Variants in RTL4 observed in about 807,000 individuals in gnomAD.
RTL4 encodes the protein retrotransposon Gag like 4, also known as retrotransposon Gag-like protein 4.
Under a neutral mutation model 5.3 loss-of-function variants are expected in RTL4, and 4 were observed. The observed-to-expected ratio is 0.75, with a 90% CI of 0.37 to 1.72. RTL4 has a LOEUF of 1.72. Among genes scored for constraint, RTL4 ranks in the 40% most tolerant of loss-of-function variants. The probability of loss-of-function intolerance (pLI) is 0.04; values close to 1 mark genes in which losing one functional copy is unlikely to be tolerated. For synonymous variants in RTL4, 98 were observed against 87.3 expected, an observed-to-expected ratio of 1.12 and a Z score of -0.68; for missense variants, 260 against 227.1, an observed-to-expected ratio of 1.14 and a Z score of -0.93.
the RTL4 span, among the ~76,000 whole-genome samples, chrX:112,221,338 T>G: frequency 8.9e-6 from 1 of 111,797 alleles, no homozygotes; most frequent in African/African-American, 3.3e-5. Flanking sequence ...ACCTGGGGAT[T>G]ACAATTCAAG....
chrX:112,248,928 G>A, the RTL4 span, among the ~76,000 whole-genome samples: 1 of 112,272 alleles, frequency 8.9e-6, no homozygotes, highest in Non-Finnish European at 1.9e-5. Context: ...ACTAGAAAAC[G>A]AGATAAAAGT....
the RTL4 span, among the ~76,000 whole-genome samples, chrX:112,170,382 G>A: frequency 5.3e-5 from 6 of 112,192 alleles, no homozygotes; most frequent in Non-Finnish European, 7.5e-5. Context: ...CTATCCATGA[G>A]TATGGAAGAT....
the RTL4 span, among the ~76,000 whole-genome samples, chrX:112,089,262 T>C: frequency 2.7e-5 from 3 of 111,171 alleles, no homozygotes; most frequent in Admixed American, 1.9e-4. Context: ...CCCTCCCCCC[T>C]GGAATCTGTT....
chrX:112,215,539 C>T, the RTL4 span, among the ~76,000 whole-genome samples: 144 of 112,081 alleles, frequency 1.3e-3, no homozygotes, highest in African/African-American at 4.4e-3. Context: ...TAAGTGGAGT[C>T]ACACAATATA....
chrX:112,452,857 C>T (rs1196238236), upstream of RTL4, among the ~76,000 whole-genome samples: 2 of 110,392 alleles, frequency 1.8e-5, no homozygotes, highest in Admixed American at 9.6e-5. Context: ...CATGGTGAAA[C>T]TGTGTCTCTA....
At chrX:112,350,651 C>T in the RTL4 span, among the ~76,000 whole-genome samples, 746 of 111,428 alleles carry the variant, frequency 6.7e-3, 4 homozygotes, top group African/African-American at 0.023. Context: ...AGTTTATTTG[C>T]GTAGAGGTGT....
the RTL4 span, among the ~76,000 whole-genome samples, chrX:112,300,602 C>T: frequency 8.9e-6 from 1 of 112,468 alleles, no homozygotes; most frequent in Non-Finnish European, 1.9e-5. Context: ...AACAAAGGTT[C>T]TCTACATGGT....
chrX:112,397,245 T>C, the RTL4 span, among the ~76,000 whole-genome samples: 1 of 112,218 alleles, frequency 8.9e-6, no homozygotes, highest in Non-Finnish European at 1.9e-5. Flanking sequence ...ATATATCCTA[T>C]ATACATTTTC....
chrX:112,106,732 G>T, the RTL4 span, among the ~76,000 whole-genome samples: 1 of 111,202 alleles, frequency 9.0e-6, no homozygotes, highest in Non-Finnish European at 1.9e-5. Flanking sequence ...ATTATGTCTC[G>T]TGATTTTTAT....
At chrX:112,267,267 C>A in the RTL4 span, among the ~76,000 whole-genome samples, 1 of 112,331 alleles carries the variant, frequency 8.9e-6, no homozygotes, top group Non-Finnish European at 1.9e-5. Flanking sequence ...CAAAACTGTT[C>A]TTTGTAGAAG....
the RTL4 span, among the ~76,000 whole-genome samples, chrX:112,119,401 A>G: frequency 9.0e-6 from 1 of 110,648 alleles, no homozygotes; most frequent in African/African-American, 3.3e-5. Flanking sequence ...GTATGCTTCA[A>G]CGTAGAGGTG....
the RTL4 span, among the ~76,000 whole-genome samples, chrX:112,161,367 A>C: frequency 9.0e-6 from 1 of 111,514 alleles, no homozygotes; most frequent in African/African-American, 3.3e-5. Context: ...CCCTATTCTC[A>C]AATCAAAAAT....
the RTL4 span, among the ~76,000 whole-genome samples, chrX:112,243,760 T>G: frequency 1.1e-4 from 12 of 111,420 alleles, no homozygotes; most frequent in African/African-American, 3.6e-4. Flanking sequence ...GTTTGCTCTT[T>G]CTTCTCTGGT....
chrX:112,222,315 T>A, the RTL4 span, among the ~76,000 whole-genome samples: 7 of 111,505 alleles, frequency 6.3e-5, no homozygotes, highest in Admixed American at 5.7e-4. Context: ...GGATATACAT[T>A]CTAAAGTCTG....
the RTL4 span, among the ~76,000 whole-genome samples, chrX:112,296,673 A>C: frequency 9.6e-6 from 1 of 104,417 alleles, no homozygotes; most frequent in African/African-American, 3.5e-5. Flanking sequence ...GCAGTGGCAC[A>C]ATCTCGGCTC....
the RTL4 span, among the ~76,000 whole-genome samples, chrX:112,374,620 G>A: frequency 5.4e-5 from 6 of 111,908 alleles, no homozygotes; most frequent in South Asian, 1.1e-3. Context: ...CCATGAACAC[G>A]TAATGTCCCT....
chrX:112,364,215 C>T, the RTL4 span, among the ~76,000 whole-genome samples: 1 of 111,155 alleles, frequency 9.0e-6, no homozygotes, highest in African/African-American at 3.3e-5. Flanking sequence ...CTGTGGATTC[C>T]CTAGCCCAAG....
chrX:112,242,055 ATC>A, the RTL4 span, among the ~76,000 whole-genome samples: 1 of 111,347 alleles, frequency 9.0e-6, no homozygotes, highest in Non-Finnish European at 1.9e-5. Flanking sequence ...ATTGGTCTAT[ATC>A]TCTGTTTTGG....
chrX:112,275,396 A>G, the RTL4 span, among the ~76,000 whole-genome samples: 3 of 111,212 alleles, frequency 2.7e-5, no homozygotes, highest in Admixed American at 9.5e-5. Context: ...TTTTCCCAGA[A>G]ATTGTGATGG....
Sources: allele counts gnomAD v4.1 joint callset (sites outside exome capture counted in the v4.1 genomes callset), GRCh38; gene constraint gnomAD v4.1.1; transcripts MANE v1.5; gene names NCBI Gene and HGNC (gene_info 2026-07-23, HGNC 2026-07-21).